Variants in RCAN2 observed in about 807,000 individuals in gnomAD.
The protein encoded by RCAN2 is calcipressin-2.
In RCAN2, 9 loss-of-function variants were observed where a neutral mutation model predicts 23.6. The ratio of observed to expected loss-of-function variants is 0.38; its 90% CI spans 0.23 to 0.67. The LOEUF (loss-of-function observed/expected upper bound fraction) is 0.67. RCAN2 is among the 30% of genes least tolerant of loss of function. RCAN2 has a pLI of 0.51. For synonymous variants in RCAN2, 109 were observed against 115.7 expected (o/e 0.94, Z 0.37); for missense variants, 273 against 302.3 (o/e 0.90, Z 0.72).
At position 46,238,115 on chromosome 6, in the gene RCAN2, T is replaced by C. The variant is rs78034512; in HGVS notation, c.571+8633A>G. ...GCAATTGATAAATGGACATGGGCCA[T>C]GCAAATTCTCATTGTTCTTGTCTTC... is the stretch of plus-strand genomic sequence containing the variant. On this transcript the variant is annotated intron_variant, in intron 4 of 4. Transcript: ENST00000371374. Among the ~76,000 whole-genome samples the C allele has an allele frequency of 3.0e-3, 462 of 152,276 alleles. 3 individuals are homozygous for C. Among genetic ancestry groups the C allele is most frequent in the African/African-American group, 0.011 (445 of 41,556 alleles).
At chr6:46,407,912 A>G (rs1248352832) in intron 2 of RCAN2, among the ~76,000 whole-genome samples, 1 of 152,358 alleles carries the variant, frequency 6.6e-6, no homozygotes, top group African/African-American at 2.4e-5. Flanking sequence ...GCATGCCCCA[A>G]AGGATTATAA....
intron 2 of RCAN2, among the ~76,000 whole-genome samples, chr6:46,327,872 G>A (rs1263975771): frequency 1.3e-5 from 2 of 152,152 alleles, no homozygotes; most frequent in South Asian, 2.1e-4. Flanking sequence ...CTGCTCACAC[G>A]GGCTGTTCCA....
intron 2 of RCAN2, among the ~76,000 whole-genome samples, chr6:46,259,418 A>G (rs1767036942): frequency 1.3e-5 from 2 of 152,190 alleles, no homozygotes; most frequent in African/African-American, 4.8e-5. Flanking sequence ...AGTGTGAAGT[A>G]TGTACTGTGC....
intron 2 of RCAN2, among the ~76,000 whole-genome samples, chr6:46,363,764 G>T (rs539256478): frequency 6.6e-6 from 1 of 150,914 alleles, no homozygotes; most frequent in East Asian, 2.0e-4. Flanking sequence ...ATGACTGAAA[G>T]GTGATAATTT....
intron 2 of RCAN2, among the ~76,000 whole-genome samples, chr6:46,376,420 G>A (rs747445445): frequency 5.3e-5 from 8 of 152,180 alleles, no homozygotes; most frequent in African/African-American, 1.7e-4. Context: ...TGTGGCTCAC[G>A]CCTGTAATCC....
At chr6:46,313,835 C>T (rs1168334140) in intron 2 of RCAN2, among the ~76,000 whole-genome samples, 1 of 152,154 alleles carries the variant, frequency 6.6e-6, no homozygotes, top group Non-Finnish European at 1.5e-5. Flanking sequence ...TACATAAATG[C>T]TAACTGTTGT....
chr6:46,459,397 G>T (rs762225198), intron 1 of RCAN2, among the ~76,000 whole-genome samples: 1 of 151,920 alleles, frequency 6.6e-6, no homozygotes, highest in African/African-American at 2.4e-5. Context: ...ATCCATTGCC[G>T]AACAAATTAA....
chr6:46,469,160 C>A (rs1259313635), intron 1 of RCAN2, among the ~76,000 whole-genome samples: 3 of 152,162 alleles, frequency 2.0e-5, no homozygotes, highest in Non-Finnish European at 4.4e-5. Flanking sequence ...CCTGTTCAAC[C>A]AAGGGCCACA....
intron 2 of RCAN2, among the ~76,000 whole-genome samples, chr6:46,341,788 A>G (rs926042679): frequency 3.7e-5 from 5 of 133,666 alleles, no homozygotes; most frequent in Non-Finnish European, 5.1e-5. Context: ...ACAGAGCAAG[A>G]CTCTGTCCCA....
At chr6:46,271,206 G>A (rs989394078) in intron 2 of RCAN2, among the ~76,000 whole-genome samples, 1 of 152,134 alleles carries the variant, frequency 6.6e-6, no homozygotes, top group Admixed American at 6.5e-5. Context: ...TTATTCTAAG[G>A]AAGAGGCTCA....
At chr6:46,339,062 A>G (rs1187759048) in intron 2 of RCAN2, among the ~76,000 whole-genome samples, 1 of 146,082 alleles carries the variant, frequency 6.8e-6, no homozygotes, top group Non-Finnish European at 1.5e-5. Context: ...GTTTCTTCAT[A>G]TGATGATATC....
intron 2 of RCAN2, among the ~76,000 whole-genome samples, chr6:46,390,353 A>G (rs1025381424): frequency 6.6e-6 from 1 of 152,222 alleles, no homozygotes; most frequent in Non-Finnish European, 1.5e-5. Flanking sequence ...AATGCCAAAT[A>G]TACCATGTGA....
intron 2 of RCAN2, among the ~76,000 whole-genome samples, chr6:46,395,207 T>C (rs1766053312): frequency 6.6e-6 from 1 of 152,092 alleles, no homozygotes; most frequent in Non-Finnish European, 1.5e-5. Context: ...GAGACATGCA[T>C]TAAGGAAGCT....
intron 2 of RCAN2, among the ~76,000 whole-genome samples, chr6:46,337,660 T>TTC (rs1295133786): frequency 6.6e-6 from 1 of 152,218 alleles, no homozygotes; most frequent in Non-Finnish European, 1.5e-5. Flanking sequence ...CATCTTTGAA[T>TTC]TCTTCCATTG....
intron 2 of RCAN2, among the ~76,000 whole-genome samples, chr6:46,405,481 C>G (rs1462889957): frequency 6.6e-6 from 1 of 152,108 alleles, no homozygotes; most frequent in Non-Finnish European, 1.5e-5. Context: ...AATCCTTGAG[C>G]TAGATATAAA....
chr6:46,411,344 C>A (rs564408308), intron 2 of RCAN2, among the ~76,000 whole-genome samples: 62 of 152,256 alleles, frequency 4.1e-4, no homozygotes, highest in African/African-American at 1.2e-3. Flanking sequence ...GGATGGGGAG[C>A]TATTGTTCAA....
At chr6:46,455,864 A>G (rs978168785) in intron 2 of RCAN2, among the ~76,000 whole-genome samples, 7 of 151,014 alleles carry the variant, frequency 4.6e-5, no homozygotes, top group African/African-American at 7.3e-5. Context: ...TAAAAAAAAA[A>G]AAAGAAAGAA....
intron 2 of RCAN2, among the ~76,000 whole-genome samples, chr6:46,394,933 G>A (rs1766046193): frequency 6.6e-6 from 1 of 152,190 alleles, no homozygotes; most frequent in African/African-American, 2.4e-5. Context: ...TGATGGAGCA[G>A]ATGTACATTG....
At chr6:46,235,362 G>A (rs1208345117) in intron 4 of RCAN2, among the ~76,000 whole-genome samples, 1 of 152,160 alleles carries the variant, frequency 6.6e-6, no homozygotes, top group African/African-American at 2.4e-5. Context: ...TGAAAATACA[G>A]CCACATCTAA....
Sources: allele counts gnomAD v4.1 joint callset (sites outside exome capture counted in the v4.1 genomes callset), GRCh38; gene constraint gnomAD v4.1.1; transcripts MANE v1.5; gene names NCBI Gene and HGNC (gene_info 2026-07-23, HGNC 2026-07-21).